The following TMTC2 variants were observed in gnomAD, a reference collection of about 807,000 sequenced individuals.
TMTC2 encodes transmembrane O-mannosyltransferase targeting cadherins 2.
TMTC2 carries 43 observed loss-of-function variants against 82.4 expected under a neutral mutation model. The observed-to-expected ratio is 0.52, with a 90% CI of 0.41 to 0.67. The LOEUF is 0.67. TMTC2 is among the 30% of genes least tolerant of loss of function. TMTC2 has a pLI of 0.00. For missense variants in TMTC2, 919 were observed against 1,012.4 expected (o/e 0.91, Z 1.25); for synonymous variants, 408 against 381.9 (o/e 1.07, Z -0.80).
chr12:83,034,244 A>G (rs1565862691), intron 9 of TMTC2, among the ~76,000 whole-genome samples: 1 of 152,182 alleles, frequency 6.6e-6, no homozygotes, highest in East Asian at 1.9e-4. Context: ...CAGATAAAGC[A>G]TCTTTGAGAA....
At chr12:83,098,670 T>C (rs1239836573) in intron 11 of TMTC2, among the ~76,000 whole-genome samples, 6 of 152,188 alleles carry the variant, frequency 3.9e-5, no homozygotes, top group Non-Finnish European at 8.8e-5. Context: ...AAACCAGATA[T>C]GTAGATGAGC....
intron 3 of TMTC2, among the ~76,000 whole-genome samples, chr12:82,922,804 A>G (rs1875473575): frequency 6.6e-6 from 1 of 152,028 alleles, no homozygotes; most frequent in Non-Finnish European, 1.5e-5. Context: ...AATTCTCTGT[A>G]GGCTGTTATG....
intron 1 of TMTC2, among the ~76,000 whole-genome samples, chr12:82,779,287 C>T (rs539349275): frequency 6.6e-6 from 1 of 151,794 alleles, no homozygotes; most frequent in Non-Finnish European, 1.5e-5. Context: ...GATGGGCTTG[C>T]CGATGGAGAG....
chr12:82,753,668 T>C (rs913467947), intron 1 of TMTC2, among the ~76,000 whole-genome samples: 3 of 152,226 alleles, frequency 2.0e-5, no homozygotes, highest in Non-Finnish European at 4.4e-5. Flanking sequence ...ATATAACTTG[T>C]GAAATTTAGG....
intron 1 of TMTC2, among the ~76,000 whole-genome samples, chr12:82,735,006 A>G (rs894524605): frequency 2.6e-5 from 4 of 152,198 alleles, no homozygotes. Flanking sequence ...GAACAGTCTG[A>G]GATTCATTGC....
At chr12:82,865,451 G>A (rs1871797201) in intron 2 of TMTC2, among the ~76,000 whole-genome samples, 1 of 152,138 alleles carries the variant, frequency 6.6e-6, no homozygotes, top group Admixed American at 6.6e-5. Flanking sequence ...AATTCAACAA[G>A]AAGAGCTAAC....
chr12:82,761,946 C>T, intron 1 of TMTC2, among the ~76,000 whole-genome samples: 2 of 127,110 alleles, frequency 1.6e-5, no homozygotes, highest in Non-Finnish European at 3.3e-5. Context: ...TTCCTTCTTT[C>T]TTTCCTTTCC....
chr12:82,953,506 A>G (rs1170642277), intron 4 of TMTC2, among the ~76,000 whole-genome samples: 1 of 152,178 alleles, frequency 6.6e-6, no homozygotes, highest in Non-Finnish European at 1.5e-5. Context: ...TCATGAGTGT[A>G]CCGTGCTATT....
At chr12:83,038,364 A>G (rs186538051) in intron 9 of TMTC2, among the ~76,000 whole-genome samples, 55 of 152,280 alleles carry the variant, frequency 3.6e-4, no homozygotes, top group African/African-American at 1.3e-3. Flanking sequence ...ATTAAAATAT[A>G]AATTATAACG....
intron 1 of TMTC2, among the ~76,000 whole-genome samples, chr12:82,840,670 A>G (rs1870282540): frequency 1.3e-5 from 2 of 152,222 alleles, no homozygotes; most frequent in Non-Finnish European, 2.9e-5. Context: ...ATAGACATGG[A>G]GAGCTAAAAA....
chr12:82,739,481 A>G (rs935693305), intron 1 of TMTC2, among the ~76,000 whole-genome samples: 6 of 152,124 alleles, frequency 3.9e-5, no homozygotes, highest in African/African-American at 1.4e-4. Context: ...AGCAGATGCC[A>G]TGAGTTAAAT....
intron 1 of TMTC2, among the ~76,000 whole-genome samples, chr12:82,812,451 A>G (rs1868451582): frequency 6.6e-6 from 1 of 152,136 alleles, no homozygotes. Flanking sequence ...AATGGAAAGC[A>G]TCAACTGACT....
At chr12:82,887,171 C>G (rs1429266016) in intron 2 of TMTC2, among the ~76,000 whole-genome samples, 1 of 152,116 alleles carries the variant, frequency 6.6e-6, no homozygotes, top group Non-Finnish European at 1.5e-5. Context: ...AAATGTAGGT[C>G]TCATGATGGT....
intron 1 of TMTC2, among the ~76,000 whole-genome samples, chr12:82,724,661 G>T (rs1009272098): frequency 6.6e-6 from 1 of 152,098 alleles, no homozygotes; most frequent in Non-Finnish European, 1.5e-5. Flanking sequence ...TTATAGATGT[G>T]TGAAAACGGA....
At chr12:82,847,502 T>C (rs1870749466) in intron 1 of TMTC2, among the ~76,000 whole-genome samples, 1 of 152,154 alleles carries the variant, frequency 6.6e-6, no homozygotes. Flanking sequence ...ACACGTATGT[T>C]TATTGTGGCA....
At position 82,932,578 on chromosome 12, in the gene TMTC2, A is replaced by G. The variant is rs181049973; in HGVS notation, c.1598+2033A>G. On this transcript the variant is annotated intron_variant, in intron 4 of 11. Coordinates refer to ENST00000321196, the MANE Select transcript of TMTC2 (RefSeq NM_152588.3). ...ATAGTGTTATATTACTATATTTTTT[A>G]TTATTTTTATTTTATGAAAAAGAAT... Among the ~76,000 whole-genome samples the G allele has an allele frequency of 5.6e-3, 847 of 152,196 alleles. 7 individuals are homozygous for G. The highest frequency in any genetic ancestry group is 0.02 in the African/African-American group (811 of 41,548).
chr12:82,783,517 G>T (rs1157053648), intron 1 of TMTC2, among the ~76,000 whole-genome samples: 3 of 152,032 alleles, frequency 2.0e-5, no homozygotes, highest in African/African-American at 4.8e-5. Context: ...GATTCTGATT[G>T]TGGATTTTTC....
intron 9 of TMTC2, among the ~76,000 whole-genome samples, chr12:83,038,448 T>G (rs1881757050): frequency 6.6e-6 from 1 of 152,182 alleles, no homozygotes; most frequent in Non-Finnish European, 1.5e-5. Flanking sequence ...AAATAAAGTT[T>G]TTTTAATGTT....
intron 4 of TMTC2, among the ~76,000 whole-genome samples, chr12:82,948,960 G>C (rs73144599): frequency 0.061 from 9,234 of 152,052 alleles, 343 homozygotes; most frequent in Middle Eastern, 0.11. Flanking sequence ...AGCATTCAAA[G>C]CATATCAACT....
Sources: allele counts gnomAD v4.1 joint callset (sites outside exome capture counted in the v4.1 genomes callset), GRCh38; gene constraint gnomAD v4.1.1; transcripts MANE v1.5; gene names NCBI Gene and HGNC (gene_info 2026-07-23, HGNC 2026-07-21).